The following TANC1 variants were observed in gnomAD, a reference collection of about 807,000 sequenced individuals.
TANC1 encodes the protein tetratricopeptide repeat, ankyrin repeat and coiled-coil containing 1.
Under a neutral mutation model 149.7 loss-of-function variants are expected in TANC1, and 77 were observed. The observed-to-expected ratio is 0.51, with a 90% CI of 0.43 to 0.62. The LOEUF (loss-of-function observed/expected upper bound fraction) is 0.62. TANC1 is among the 20% of genes least tolerant of loss of function. The probability of loss-of-function intolerance (pLI) is 0.00; values close to 1 mark genes in which losing one functional copy is unlikely to be tolerated. For synonymous variants in TANC1, 854 were observed against 925.0 expected (o/e 0.92, Z 1.39); for missense variants, 1,985 against 2,321.8 (o/e 0.85, Z 2.98).
intron 5 of TANC1, among the ~76,000 whole-genome samples, chr2:159,137,407 G>A (rs945250451): frequency 1.3e-5 from 2 of 152,170 alleles, no homozygotes; most frequent in African/African-American, 2.4e-5. Context: ...CCAGGCACTG[G>A]GCACTCTGGG....
At chr2:158,984,799 A>G (rs573247840) in intron 1 of TANC1, among the ~76,000 whole-genome samples, 24 of 152,150 alleles carry the variant, frequency 1.6e-4, no homozygotes, top group Non-Finnish European at 3.1e-4. Context: ...AAAGGAGCGT[A>G]AGAAGCAGAG....
intron 3 of TANC1, 119 bp downstream of exon 3, chr2:159,066,090 A>G (rs1273871253): frequency 3.8e-6 from 3 of 788,990 alleles, no homozygotes; most frequent in Admixed American, 1.7e-5. Context: ...CTGGGTTAGA[A>G]CAAACAGTGT....
intron 3 of TANC1, among the ~76,000 whole-genome samples, chr2:159,079,346 C>CTTTTTTTTTTTTTTT (rs68143585): frequency 1.8e-5 from 2 of 109,920 alleles, no homozygotes; most frequent in African/African-American, 3.6e-5. Context: ...GTGTGTGTGT[C>CTTTTTTTTTTTTTTT]TTTTTTTTTT....
chr2:159,071,587 A>G (rs2043159416), intron 3 of TANC1, among the ~76,000 whole-genome samples: 1 of 152,224 alleles, frequency 6.6e-6, no homozygotes, highest in Non-Finnish European at 1.5e-5. Flanking sequence ...TCTAAAGTTT[A>G]AAAGCCATTG....
intron 1 of TANC1, among the ~76,000 whole-genome samples, chr2:158,980,707 G>C (rs1220640543): frequency 6.6e-6 from 1 of 151,392 alleles, no homozygotes. Context: ...CCCAGAAGAC[G>C]GAGCTTGCAG....
At chr2:159,217,680 T>C in intron 20 of TANC1, 50 bp downstream of exon 20, 1 of 1,602,204 alleles carries the variant, frequency 6.2e-7, no homozygotes, top group Non-Finnish European at 8.5e-7. Flanking sequence ...GGGGATGGAG[T>C]TCACTATTGC....
intron 14 of TANC1, among the ~76,000 whole-genome samples, chr2:159,183,003 T>C (rs1382064829): frequency 6.6e-6 from 1 of 152,150 alleles, no homozygotes; most frequent in African/African-American, 2.4e-5. Flanking sequence ...GCAAATCTAG[T>C]TTGACTTGAC....
chr2:159,042,468 CT>C, intron 2 of TANC1, among the ~76,000 whole-genome samples: 1 of 152,210 alleles, frequency 6.6e-6, no homozygotes, highest in South Asian at 2.1e-4. Context: ...TTGTTGGAAT[CT>C]TTCAATGAGC....
intron 2 of TANC1, among the ~76,000 whole-genome samples, chr2:159,012,970 G>T (rs906426665): frequency 1.3e-5 from 2 of 152,062 alleles, no homozygotes; most frequent in Non-Finnish European, 2.9e-5. Flanking sequence ...TTTAGCCAGG[G>T]TATATAAATT....
At chr2:159,170,938 T>G in intron 10 of TANC1, 133 bp downstream of exon 10, 1 of 956,464 alleles carries the variant, frequency 1.0e-6, no homozygotes, top group Non-Finnish European at 1.5e-6. Context: ...CCATCATGTG[T>G]GAAGTGAACT....
At chr2:159,173,616 A>T (rs2055515049) in intron 11 of TANC1, among the ~76,000 whole-genome samples, 1 of 152,196 alleles carries the variant, frequency 6.6e-6, no homozygotes, top group Non-Finnish European at 1.5e-5. Flanking sequence ...AAAAAATAAA[A>T]TAAATAAATA....
At chr2:159,125,812 T>G (rs1484882035) in intron 4 of TANC1, among the ~76,000 whole-genome samples, 1 of 152,162 alleles carries the variant, frequency 6.6e-6, no homozygotes, top group African/African-American at 2.4e-5. Context: ...GGTCTCGAAC[T>G]CCTGACCTCA....
intron 2 of TANC1, among the ~76,000 whole-genome samples, chr2:159,004,957 A>C (rs1199525490): frequency 6.6e-6 from 1 of 152,192 alleles, no homozygotes; most frequent in Admixed American, 6.5e-5. Flanking sequence ...TAGATTATAG[A>C]TTAACTAAAT....
At position 159,199,057 on chromosome 2, in the gene TANC1, A is replaced by G; in HGVS notation, c.3244+4A>G. The G allele has an allele frequency of 1.2e-6, 2 of 1,611,578 alleles. No homozygotes were observed. The highest frequency in any genetic ancestry group is 1.7e-6 in the Non-Finnish European group (2 of 1,177,738). ...GACACATTGTGGGGAGAAACAGGTA[A>G]TTATAATGCCACTGCTTGTAGTCTG... On this transcript the variant is annotated splice_donor_region_variant and intron_variant, in intron 19 of 26. Transcript: ENST00000263635.
At chr2:158,974,938 A>G (rs61519450) in intron 1 of TANC1, among the ~76,000 whole-genome samples, 6,236 of 122,094 alleles carry the variant, frequency 0.051, 516 homozygotes, top group African/African-American at 0.18. Context: ...TTGTAGAGAC[A>G]GGGTCTTACT....
At chr2:159,180,904 A>C (rs1036163611) in intron 14 of TANC1, among the ~76,000 whole-genome samples, 1 of 152,094 alleles carries the variant, frequency 6.6e-6, no homozygotes, top group African/African-American at 2.4e-5. Context: ...CTTCATGTGG[A>C]CCTCACAAGA....
intron 7 of TANC1, among the ~76,000 whole-genome samples, chr2:159,161,086 C>A (rs928421824): frequency 2.0e-5 from 3 of 152,148 alleles, no homozygotes; most frequent in Admixed American, 6.5e-5. Context: ...GCCTTCCCAG[C>A]CATCCTCAGC....
chr2:159,107,766 C>G (rs2047333326), intron 4 of TANC1, among the ~76,000 whole-genome samples: 1 of 152,192 alleles, frequency 6.6e-6, no homozygotes, highest in Admixed American at 6.5e-5. Flanking sequence ...CTTGCTTGGT[C>G]CAGCCTTTCT....
intron 1 of TANC1, among the ~76,000 whole-genome samples, chr2:158,972,593 C>G (rs985730550): frequency 6.6e-6 from 1 of 152,154 alleles, no homozygotes; most frequent in Non-Finnish European, 1.5e-5. Flanking sequence ...TTCTAAAATG[C>G]AATTATGTGT....
Sources: gnomAD v4.1 joint callset for allele counts (sites outside exome capture counted in the v4.1 genomes callset) on GRCh38, gnomAD v4.1.1 for gene constraint, MANE v1.5 for transcripts, NCBI Gene and HGNC (gene_info 2026-07-23, HGNC 2026-07-21) for gene names.